UNC79: variants seen among roughly 807,000 people sequenced by gnomAD.
The protein encoded by UNC79 is protein unc-79 homolog.
In UNC79, 37 loss-of-function variants were observed where a neutral mutation model predicts 283.1. That is an observed-to-expected ratio of 0.13 (90% CI 0.10 to 0.17). The LOEUF (loss-of-function observed/expected upper bound fraction) is 0.17. Among genes scored for constraint, UNC79 ranks in the 10% least tolerant of loss-of-function variants. UNC79 has a pLI of 1.00. For synonymous variants in UNC79, 1,107 were observed against 1,200.2 expected, an observed-to-expected ratio of 0.92 and a Z score of 1.61; for missense variants, 2,272 against 3,211.1, an observed-to-expected ratio of 0.71 and a Z score of 7.07.
intron 11 of UNC79, among the ~76,000 whole-genome samples, chr14:93,535,263 A>G (rs2061012759): frequency 6.6e-6 from 1 of 152,258 alleles, no homozygotes. Context: ...CCTTTCAAAT[A>G]TATTATCAAA....
chr14:93,691,488 G>T, intron 45 of UNC79: 1 of 566,782 alleles, frequency 1.8e-6, no homozygotes, highest in Middle Eastern at 4.7e-4. Flanking sequence ...GGGCAAGGGG[G>T]TGGGTAGATT....
At chr14:93,470,084 G>T (rs111526070) in intron 2 of UNC79, among the ~76,000 whole-genome samples, 1 of 137,850 alleles carries the variant, frequency 7.3e-6, no homozygotes, top group African/African-American at 2.7e-5. Flanking sequence ...GTTCTTGGGG[G>T]AAAAATAACA....
At chr14:93,400,917 G>C (rs1364544298) in intron 1 of UNC79, among the ~76,000 whole-genome samples, 1 of 152,194 alleles carries the variant, frequency 6.6e-6, no homozygotes, top group African/African-American at 2.4e-5. Context: ...AGATGATACG[G>C]ATGAAGCAGA....
intron 46 of UNC79, among the ~76,000 whole-genome samples, chr14:93,692,731 T>TG (rs932528711): frequency 2.6e-5 from 4 of 152,210 alleles, no homozygotes; most frequent in Non-Finnish European, 5.9e-5. Flanking sequence ...GGAAAATGTC[T>TG]GGGGTATGGC....
intron 29 of UNC79, among the ~76,000 whole-genome samples, chr14:93,619,996 A>C (rs747869081): frequency 1.8e-4 from 28 of 152,272 alleles, no homozygotes; most frequent in Non-Finnish European, 5.9e-5. Context: ...GGGTTGCAAC[A>C]TATGAACTCT....
intron 1 of UNC79, among the ~76,000 whole-genome samples, chr14:93,387,862 G>A (rs2054810289): frequency 1.3e-5 from 2 of 152,144 alleles, no homozygotes; most frequent in Admixed American, 1.3e-4. Context: ...TTATTGTATT[G>A]GAGTCTAACT....
At chr14:93,702,499 C>T (rs759534227) in intron 47 of UNC79, among the ~76,000 whole-genome samples, 2 of 152,150 alleles carry the variant, frequency 1.3e-5, no homozygotes, top group Non-Finnish European at 2.9e-5. Context: ...AAAAGTCAAA[C>T]AACAGCCAGA....
chr14:93,443,020 CTG>C (rs1178206880), intron 1 of UNC79, among the ~76,000 whole-genome samples: 1 of 151,320 alleles, frequency 6.6e-6, no homozygotes, highest in Admixed American at 6.6e-5. Flanking sequence ...GGTCAGGAGT[CTG>C]AGACCAGCCT....
intron 47 of UNC79, among the ~76,000 whole-genome samples, chr14:93,700,512 T>A (rs1455655562): frequency 1.3e-5 from 2 of 152,158 alleles, no homozygotes; most frequent in African/African-American, 2.4e-5. Flanking sequence ...TTTCTCCTCA[T>A]TCGTGTGTTT....
At chr14:93,564,691 G>A (rs1387042198) in intron 14 of UNC79, among the ~76,000 whole-genome samples, 1 of 152,118 alleles carries the variant, frequency 6.6e-6, no homozygotes, top group East Asian at 1.9e-4. Context: ...GGGAGATAGG[G>A]GTGGGGCCGT....
chr14:93,532,137 A>G (rs66525138), intron 10 of UNC79, among the ~76,000 whole-genome samples: 12,475 of 152,160 alleles, frequency 0.082, 585 homozygotes, highest in Middle Eastern at 0.18. Context: ...ACTAAGATTT[A>G]AAAGATTCCC....
intron 1 of UNC79, among the ~76,000 whole-genome samples, chr14:93,353,738 C>T (rs2054024298): frequency 2.0e-5 from 3 of 152,168 alleles, no homozygotes; most frequent in African/African-American, 4.8e-5. Context: ...GTGATTCGTT[C>T]AATATTTGAT....
intron 1 of UNC79, among the ~76,000 whole-genome samples, chr14:93,443,814 A>G (rs995114030): frequency 1.3e-5 from 2 of 152,172 alleles, no homozygotes; most frequent in Admixed American, 6.5e-5. Flanking sequence ...ATTGCTCTAT[A>G]TAGTCCATGG....
intron 1 of UNC79, among the ~76,000 whole-genome samples, chr14:93,444,731 C>G (rs559248388): frequency 1.3e-5 from 2 of 152,022 alleles, no homozygotes; most frequent in South Asian, 4.1e-4. Context: ...GGGTCTATCT[C>G]TGGACTCTAT....
At chr14:93,338,491 A>C (rs1421871945) in intron 1 of UNC79, among the ~76,000 whole-genome samples, 1 of 152,220 alleles carries the variant, frequency 6.6e-6, no homozygotes, top group Non-Finnish European at 1.5e-5. Flanking sequence ...TGGGGGAAAA[A>C]GACAAGCCAT....
chr14:93,398,678 GT>G (rs2055045174), intron 1 of UNC79, among the ~76,000 whole-genome samples: 2 of 152,212 alleles, frequency 1.3e-5, no homozygotes, highest in Non-Finnish European at 1.5e-5. Flanking sequence ...TGCCAAGACA[GT>G]TTAGGATTTT....
In UNC79 at chr14:93,343,290, C is replaced by G. The variant is rs377216582; in HGVS notation, c.-351+9767C>G. Among the ~76,000 whole-genome samples, 8 of 152,320 alleles carry G rather than the reference C, an allele frequency of 5.3e-5. No individual in the cohort carries two copies. In the East Asian group the frequency reaches 7.7e-4, roughly 15 times the overall value. ...GGCTGGGGAGGCCTCAGCAAACTTA[C>G]AATCATGGTAGAAGGCAAAGGGGAG... On this transcript the variant is annotated intron_variant, in intron 1 of 49. Transcript: ENST00000256339.
chr14:93,698,496 T>G lies in UNC79; in HGVS notation c.7548+4084T>G, dbSNP rs568526948. Among the ~76,000 whole-genome samples the G allele has an allele frequency of 1.5e-4, 19 of 129,890 alleles. No homozygotes were observed. The East Asian group carries it at 3.0e-3, about 21-fold the overall frequency. The allele number at this position is 129,890 out of a possible 152,430, so 85.2% of individuals were successfully genotyped here. On this transcript the variant is annotated intron_variant, in intron 47 of 48. Coordinates refer to ENST00000555664, the Ensembl canonical transcript of UNC79. ...TTTAGGTTTTTTTTTTTTTTTTTTT[T>G]TTTTTTTGAGATCAGGTCTTGCTCT... is the stretch of plus-strand genomic sequence containing the variant.
At chr14:93,464,934 A>G (rs987555977) in intron 1 of UNC79, among the ~76,000 whole-genome samples, 5 of 152,214 alleles carry the variant, frequency 3.3e-5, no homozygotes, top group Non-Finnish European at 7.3e-5. Context: ...ACTATTTGTC[A>G]TGGACCTTTT....
Sources: gnomAD v4.1 joint callset for allele counts (sites outside exome capture counted in the v4.1 genomes callset) on GRCh38, gnomAD v4.1.1 for gene constraint, MANE v1.5 for transcripts, NCBI Gene and HGNC (gene_info 2026-07-23, HGNC 2026-07-21) for gene names.